Variants in TRIM16 observed in about 807,000 individuals in gnomAD.
TRIM16 encodes the protein tripartite motif containing 16, also known as tripartite motif-containing protein 16.
TRIM16 carries 33 observed loss-of-function variants against 50.4 expected under a neutral mutation model. The observed-to-expected ratio is 0.65, with a 90% CI of 0.50 to 0.88. The LOEUF (loss-of-function observed/expected upper bound fraction) is 0.88. Among genes scored for constraint, TRIM16 ranks in the 40% least tolerant of loss-of-function variants. The pLI, the probability that TRIM16 is intolerant of heterozygous loss-of-function variation, is 0.00. For synonymous variants in TRIM16, 229 were observed against 270.7 expected (o/e 0.85, Z 1.51); for missense variants, 581 against 686.8 (o/e 0.85, Z 1.72).
rs553592453 is a variant in TRIM16 at position 15,645,571 on chromosome 17, G to GA, written c.520-2756dup. Among the ~76,000 whole-genome samples, 624 of 140,594 alleles carry GA rather than the reference G, an allele frequency of 4.4e-3. 2 individuals are homozygous for GA. The highest frequency in any genetic ancestry group is 0.013 in the African/African-American group (497 of 39,086). The allele number at this position is 140,594 out of a possible 152,430, so 92.2% of individuals were successfully genotyped here. Reference sequence around the variant, plus strand: ...CAAGGGCAATATACAAAAAGAAAAAGAAAAAAAAAAAAGAATCGCTTTCAC... The same window carrying GA: ...CAAGGGCAATATACAAAAAGAAAAAGAAAAAAAAAAAAAGAATCGCTTTCAC... On this transcript the variant is annotated intron_variant, in intron 7 of 11. Coordinates refer to ENST00000649191, the MANE Select transcript of TRIM16 (RefSeq NM_001348119.1).
At position 15,680,881 on chromosome 17, in the gene TRIM16, C is replaced by T. The variant is rs186679305; in HGVS notation, c.-606G>A. 156 of 1,546,068 alleles carry T rather than the reference C, an allele frequency of 1.0e-4. 1 individual carries two copies. In the African/African-American group the frequency reaches 1.3e-3, roughly 13 times the overall value. On this transcript the variant is annotated 5_prime_UTR_variant, in exon 4 of 12. Coordinates refer to ENST00000649191, the MANE Select transcript of TRIM16 (RefSeq NM_001348119.1). The stretch of plus-strand genomic sequence containing the variant: ...CCAACTCACCTGGGACTCTGCTGTC[C>T]GGCAAAGAGCAGCCATATTTTCCTT...
Position 15,633,438 on chromosome 17 carries a change from A to T in TRIM16, c.850-764T>A, listed in dbSNP as rs148246623. 4.3e-3 allele frequency among the ~76,000 whole-genome samples: 643 copies of T among 150,818 alleles called. 19 individuals are homozygous for T. Among genetic ancestry groups the T allele is most frequent in the African/African-American group, 0.015 (599 of 41,012 alleles). ...AAGTAGCATTTTAAATCAGTGGGAG[A>T]AAGGATAAGTTATTCGGATAAGTTA... On this transcript the variant is annotated intron_variant, in intron 9 of 11. Coordinates refer to ENST00000649191, the MANE Select transcript of TRIM16 (RefSeq NM_001348119.1).
intron 3 of TRIM16, among the ~76,000 whole-genome samples, chr17:15,681,612 C>A (rs1989186582): frequency 6.6e-6 from 1 of 152,128 alleles, no homozygotes; most frequent in Non-Finnish European, 1.5e-5. Context: ...AATTCTATGC[C>A]CAACAAGCAA....
intron 6 of TRIM16, among the ~76,000 whole-genome samples, chr17:15,660,932 G>C (rs1389657585): frequency 6.6e-6 from 1 of 151,334 alleles, no homozygotes; most frequent in Non-Finnish European, 1.5e-5. Flanking sequence ...AGAACACAGA[G>C]GGGGCTATTG....
At chr17:15,655,826 G>A (rs1987951779) in intron 6 of TRIM16, among the ~76,000 whole-genome samples, 1 of 152,118 alleles carries the variant, frequency 6.6e-6, no homozygotes, top group Non-Finnish European at 1.5e-5. Flanking sequence ...TGCCCGCCTC[G>A]GCCTCCCAAA....
chr17:15,660,621 G>C (rs1424636109), intron 6 of TRIM16, among the ~76,000 whole-genome samples: 2 of 152,114 alleles, frequency 1.3e-5, no homozygotes, highest in East Asian at 3.9e-4. Flanking sequence ...CAGAGGGGCC[G>C]GGCGCGGTGG....
intron 4 of TRIM16, among the ~76,000 whole-genome samples, chr17:15,680,609 G>A (rs550686876): frequency 1.6e-4 from 24 of 152,118 alleles, no homozygotes; most frequent in Middle Eastern, 3.4e-3. Context: ...ACTGATGGGC[G>A]AGGCTACCAA....
At chr17:15,668,991 T>A (rs949411853) in intron 6 of TRIM16, among the ~76,000 whole-genome samples, 4 of 151,816 alleles carry the variant, frequency 2.6e-5, no homozygotes, top group African/African-American at 9.7e-5. Context: ...GAAAAGGCAA[T>A]TCATGGAAGA....
At chr17:15,634,345 A>G (rs1282516477) in intron 9 of TRIM16, among the ~76,000 whole-genome samples, 1 of 139,782 alleles carries the variant, frequency 7.2e-6, no homozygotes, top group Non-Finnish European at 1.6e-5. Flanking sequence ...AACAAAAAAA[A>G]TTGGCCGGGC....
chr17:15,652,812 C>T (rs998845598), intron 6 of TRIM16, among the ~76,000 whole-genome samples: 18 of 151,972 alleles, frequency 1.2e-4, no homozygotes, highest in Admixed American at 6.6e-5. Flanking sequence ...CTGAACATTC[C>T]AGTAATGTCC....
At chr17:15,639,055 T>C (rs1048709624) in intron 8 of TRIM16, among the ~76,000 whole-genome samples, 1 of 131,760 alleles carries the variant, frequency 7.6e-6, no homozygotes. Flanking sequence ...CTTTTTTTTT[T>C]TTTTTTTTTT....
At chr17:15,670,616 A>G (rs962963947) in intron 6 of TRIM16, among the ~76,000 whole-genome samples, 1 of 152,154 alleles carries the variant, frequency 6.6e-6, no homozygotes, top group African/African-American at 2.4e-5. Context: ...CCCATATTAT[A>G]TATTCAAAGT....
At chr17:15,662,744 G>C (rs1027618689) in intron 6 of TRIM16, among the ~76,000 whole-genome samples, 1 of 152,142 alleles carries the variant, frequency 6.6e-6, no homozygotes, top group Non-Finnish European at 1.5e-5. Context: ...ATGAGATACA[G>C]GGTTTTACAG....
intron 9 of TRIM16, among the ~76,000 whole-genome samples, chr17:15,633,944 C>T (rs975394022): frequency 1.3e-4 from 19 of 148,700 alleles, no homozygotes; most frequent in Admixed American, 4.7e-4. Context: ...CCTGCAATCC[C>T]AGCACTTTGG....
chr17:15,662,905 G>C (rs575406487), intron 6 of TRIM16, among the ~76,000 whole-genome samples: 5 of 152,312 alleles, frequency 3.3e-5, no homozygotes, highest in Non-Finnish European at 5.9e-5. Context: ...CTAATTCCAG[G>C]ATAGGGCAGG....
chr17:15,663,733 G>C (rs895572421), intron 6 of TRIM16, among the ~76,000 whole-genome samples: 1 of 152,100 alleles, frequency 6.6e-6, no homozygotes, highest in East Asian at 1.9e-4. Context: ...TACAGCTTGG[G>C]GTCCAAAACT....
Position 15,651,805 on chromosome 17 carries a change from A to G in TRIM16, c.-196T>C. ...GATGGCAGCCAGATGCGATGACGAC[A>G]AGGCAGCTAGAGTACTCAGGCTCAG... On this transcript the variant is annotated 5_prime_UTR_variant, in exon 7 of 12. Coordinates refer to ENST00000649191, the MANE Select transcript of TRIM16 (RefSeq NM_001348119.1). The G allele has an allele frequency of 6.8e-7, 1 of 1,460,346 alleles. No homozygotes were observed. Among genetic ancestry groups the G allele is most frequent in the Non-Finnish European group, 9.0e-7 (1 of 1,111,104 alleles). 90.5% of individuals were successfully genotyped at this position (1,460,346 alleles called of 1,614,324 possible).
At chr17:15,666,982 G>A (rs141336939) in intron 6 of TRIM16, among the ~76,000 whole-genome samples, 29 of 152,238 alleles carry the variant, frequency 1.9e-4, no homozygotes, top group African/African-American at 6.5e-4. Context: ...TTGGGGGGGC[G>A]GTGGATGGAG....
At chr17:15,659,324 C>T (rs949003606) in intron 6 of TRIM16, among the ~76,000 whole-genome samples, 5 of 152,244 alleles carry the variant, frequency 3.3e-5, no homozygotes, top group South Asian at 2.1e-4. Flanking sequence ...CTGTGGTGCA[C>T]GGGCACCGCT....
Sources: allele counts gnomAD v4.1 joint callset (sites outside exome capture counted in the v4.1 genomes callset), GRCh38; gene constraint gnomAD v4.1.1; transcripts MANE v1.5; gene names NCBI Gene and HGNC (gene_info 2026-07-23, HGNC 2026-07-21).